Variants in C10orf90 observed in about 807,000 individuals in gnomAD.
C10orf90 encodes (E2-independent) E3 ubiquitin-conjugating enzyme FATS.
Under a neutral mutation model 62.5 loss-of-function variants are expected in C10orf90, and 56 were observed. The observed-to-expected ratio is 0.90, with a 90% CI of 0.72 to 1.12. The LOEUF (loss-of-function observed/expected upper bound fraction) is 1.12, where lower values mean the gene tolerates loss of function less well. C10orf90 is among the 50% of genes most tolerant of loss of function. C10orf90 has a pLI of 0.00. For missense variants in C10orf90, 970 were observed against 880.4 expected, an observed-to-expected ratio of 1.10 and a Z score of -1.29; for synonymous variants, 386 against 340.4, an observed-to-expected ratio of 1.13 and a Z score of -1.47.
chr10:126,431,782 TTTC>T (rs1236219616), intron 7 of C10orf90, among the ~76,000 whole-genome samples: 3 of 152,136 alleles, frequency 2.0e-5, no homozygotes, highest in Non-Finnish European at 2.9e-5. Flanking sequence ...GAAGTTAGAT[TTTC>T]TTTTCTTTCT....
At chr10:126,529,739 C>T (rs1202118490) in intron 2 of C10orf90, among the ~76,000 whole-genome samples, 1 of 152,168 alleles carries the variant, frequency 6.6e-6, no homozygotes, top group African/African-American at 2.4e-5. Flanking sequence ...CATCAGACAA[C>T]AGGAGTTCCC....
chr10:126,482,216 T>A (rs1861205218), intron 4 of C10orf90, among the ~76,000 whole-genome samples: 1 of 152,238 alleles, frequency 6.6e-6, no homozygotes, highest in African/African-American at 2.4e-5. Flanking sequence ...ACCTTTCTTT[T>A]GTTATAGGGG....
intron 4 of C10orf90, among the ~76,000 whole-genome samples, chr10:126,491,414 G>A (rs1861766399): frequency 6.6e-6 from 1 of 152,134 alleles, no homozygotes; most frequent in African/African-American, 2.4e-5. Context: ...TAAAATGTGT[G>A]CACTTTAATA....
chr10:126,555,712 ATAAATAAAAAT>A (rs1189288203), intron 2 of C10orf90, among the ~76,000 whole-genome samples: 1 of 149,946 alleles, frequency 6.7e-6, no homozygotes, highest in South Asian at 2.1e-4. Flanking sequence ...AAATAAATAA[ATAAATAAAAAT>A]TAAATAAATA....
chr10:126,626,068 G>A (rs1269971240), intron 2 of C10orf90, among the ~76,000 whole-genome samples: 1 of 151,014 alleles, frequency 6.6e-6, no homozygotes, highest in Admixed American at 6.6e-5. Context: ...GGCAGAGGTT[G>A]CAGTGAGCTG....
At chr10:126,588,559 T>A (rs990416034) in intron 2 of C10orf90, among the ~76,000 whole-genome samples, 4 of 152,214 alleles carry the variant, frequency 2.6e-5, no homozygotes, top group Non-Finnish European at 2.9e-5. Flanking sequence ...AACTAGGGTC[T>A]GGAGTGTACC....
chr10:126,567,073 C>T (rs1455386595), intron 2 of C10orf90, among the ~76,000 whole-genome samples: 6 of 152,264 alleles, frequency 3.9e-5, no homozygotes, highest in Non-Finnish European at 7.3e-5. Flanking sequence ...CTGCGGGGAG[C>T]CACAGCTGGG....
intron 1 of C10orf90, among the ~76,000 whole-genome samples, chr10:126,647,607 C>A (rs74770096): frequency 6.6e-6 from 1 of 152,304 alleles, no homozygotes; most frequent in East Asian, 1.9e-4. Flanking sequence ...AGGACCTAAC[C>A]TGGGCTGAGA....
intron 8 of C10orf90, among the ~76,000 whole-genome samples, chr10:126,427,893 A>G (rs1857353247): frequency 6.6e-6 from 1 of 152,140 alleles, no homozygotes; most frequent in Non-Finnish European, 1.5e-5. Context: ...TTTTATATAC[A>G]TATATCCTAT....
intron 2 of C10orf90, among the ~76,000 whole-genome samples, chr10:126,631,678 C>T (rs952778095): frequency 1.3e-5 from 2 of 152,016 alleles, no homozygotes; most frequent in African/African-American, 2.4e-5. Flanking sequence ...TAGCCACCCT[C>T]TACCTCCCTG....
intron 7 of C10orf90, among the ~76,000 whole-genome samples, chr10:126,441,477 A>T (rs558246079): frequency 1.3e-5 from 2 of 152,284 alleles, no homozygotes; most frequent in South Asian, 4.1e-4. Flanking sequence ...ATAATCGAGG[A>T]AAACTTCCCT....
intron 7 of C10orf90, among the ~76,000 whole-genome samples, chr10:126,448,198 T>C (rs1459927023): frequency 6.6e-6 from 1 of 151,946 alleles, no homozygotes; most frequent in East Asian, 1.9e-4. Context: ...CTCATCACAA[T>C]GGTATGAAAC....
At chr10:126,640,596 G>A (rs1692832215) in intron 2 of C10orf90, among the ~76,000 whole-genome samples, 1 of 152,234 alleles carries the variant, frequency 6.6e-6, no homozygotes, top group African/African-American at 2.4e-5. Context: ...GGTTGTGGTT[G>A]TGCAATCAAC....
chr10:126,441,648 G>A (rs1858335447), intron 7 of C10orf90, among the ~76,000 whole-genome samples: 1 of 152,114 alleles, frequency 6.6e-6, no homozygotes, highest in African/African-American at 2.4e-5. Context: ...CACCAGGTAA[G>A]TTATAAAGGA....
chr10:126,495,483 T>G (rs914005062), intron 4 of C10orf90, among the ~76,000 whole-genome samples: 1 of 152,228 alleles, frequency 6.6e-6, no homozygotes, highest in African/African-American at 2.4e-5. Flanking sequence ...CATGGGGCTA[T>G]GACCTAGCAG....
intron 1 of C10orf90, among the ~76,000 whole-genome samples, chr10:126,660,680 A>C (rs906864320): frequency 4.6e-5 from 7 of 152,220 alleles, no homozygotes; most frequent in Non-Finnish European, 8.8e-5. Context: ...CTGATCTACA[A>C]ATAATCAATG....
At chr10:126,602,192 GC>G (rs745456084) in intron 2 of C10orf90, among the ~76,000 whole-genome samples, 2 of 152,170 alleles carry the variant, frequency 1.3e-5, no homozygotes, top group Non-Finnish European at 2.9e-5. Context: ...CTCTAAGCGA[GC>G]TATTATACTG....
At chr10:126,507,502 A>G (rs547026894) in intron 3 of C10orf90, among the ~76,000 whole-genome samples, 2 of 147,508 alleles carry the variant, frequency 1.4e-5, no homozygotes, top group African/African-American at 2.5e-5. Context: ...CTTTTTTCCA[A>G]AAAAAAAAAA....
chr10:126,586,945 C>A (rs1844884610), intron 2 of C10orf90, among the ~76,000 whole-genome samples: 2 of 152,216 alleles, frequency 1.3e-5, no homozygotes, highest in Admixed American at 6.5e-5. Context: ...GGGTCCTCAA[C>A]GGTCTTCTCT....
Sources: allele counts gnomAD v4.1 joint callset (sites outside exome capture counted in the v4.1 genomes callset), GRCh38; gene constraint gnomAD v4.1.1; transcripts MANE v1.5; gene names NCBI Gene and HGNC (gene_info 2026-07-23, HGNC 2026-07-21).